Variants in TVP23C observed in about 807,000 individuals in gnomAD.
The protein encoded by TVP23C is trans-golgi network vesicle protein 23 homolog C.
TVP23C carries 19 observed loss-of-function variants against 28.7 expected under a neutral mutation model. The ratio of observed to expected loss-of-function variants is 0.66; its 90% CI spans 0.46 to 0.97. The LOEUF is 0.97. Ranked by LOEUF, TVP23C falls within the 50% of genes least tolerant of loss-of-function variation. The pLI is 0.00. For missense variants in TVP23C, 186 were observed against 241.3 expected (o/e 0.77, Z 1.52); for synonymous variants, 68 against 81.7 (o/e 0.83, Z 0.90).
chr17:15,502,799 T>C (rs1981520287), exon 6 of TVP23C: 6 of 1,461,048 alleles, frequency 4.1e-6, no homozygotes, highest in South Asian at 2.8e-5. Flanking sequence ...CTCTCCTCTC[T>C]CCTCTCTCTC....
At chr17:15,502,692 C>T (rs901054120) in exon 6 of TVP23C, 6 of 1,127,062 alleles carry the variant, frequency 5.3e-6, no homozygotes, top group Non-Finnish European at 7.1e-6. Flanking sequence ...TTTACAAGTT[C>T]CCTGTTCGTT....
chr17:15,558,639 C>G (rs236807), intron 1 of TVP23C, among the ~76,000 whole-genome samples: 25,743 of 146,692 alleles, frequency 0.18, 3,714 homozygotes, highest in East Asian at 0.49. Flanking sequence ...GAGATTTGAA[C>G]AGGCTGTGCT....
intron 5 of TVP23C, among the ~76,000 whole-genome samples, chr17:15,523,343 G>C (rs1185494077): frequency 6.9e-6 from 1 of 144,516 alleles, no homozygotes; most frequent in Admixed American, 7.0e-5. Context: ...ACAGAGTCTC[G>C]CTCTGTTGCC....
intron 5 of TVP23C, among the ~76,000 whole-genome samples, chr17:15,517,200 GATA>G (rs1417352413): frequency 1.3e-5 from 2 of 152,144 alleles, no homozygotes; most frequent in African/African-American, 4.8e-5. Flanking sequence ...CCCCCCAACT[GATA>G]ATAAGCTTTC....
chr17:15,561,365 G>A (rs190206), intron 1 of TVP23C, among the ~76,000 whole-genome samples: 51,589 of 151,908 alleles, frequency 0.34, 8,919 homozygotes, highest in East Asian at 0.54. Flanking sequence ...TTGGAAGGCC[G>A]AGGCGGGTGG....
chr17:15,559,095 C>T (rs1441562358), intron 1 of TVP23C, among the ~76,000 whole-genome samples: 1 of 147,844 alleles, frequency 6.8e-6, no homozygotes, highest in South Asian at 2.2e-4. Flanking sequence ...CAAAGTGCTA[C>T]GATTAGAGGC....
chr17:15,537,685 T>A lies in TVP23C; in HGVS notation c.*2727A>T, dbSNP rs7359511. On this transcript the variant is annotated 3_prime_UTR_variant, in exon 6 of 6. Transcript: ENST00000518321. ...TAAGCCAAAGTGCTCACTCTTACCA[T>A]AGAAGCAAAACTTTCTCCTGAAAAC... 0.14 allele frequency: 135,257 copies of A among 985,004 alleles called. 9,506 individuals carry two copies. The highest frequency in any genetic ancestry group is 0.17 in the Middle Eastern group (324 of 1,918). The allele number at this position is 985,004 out of a possible 1,614,324, so 61.0% of individuals were successfully genotyped here.
chr17:15,561,638 A>G (rs1009096142), intron 1 of TVP23C, among the ~76,000 whole-genome samples: 217 of 89,060 alleles, frequency 2.4e-3, no homozygotes, highest in Middle Eastern at 0.022. Context: ...ATGAATAAAT[A>G]AATAAATAAA....
intron 2 of TVP23C, among the ~76,000 whole-genome samples, chr17:15,554,800 TAAATGAAATCATACA>T (rs1280089169): frequency 6.6e-6 from 1 of 152,192 alleles, no homozygotes; most frequent in Non-Finnish European, 1.5e-5. Flanking sequence ...ACATTTCATA[TAAATGAAATCATACA>T]ATATGTGGTC....
rs201021525 is a variant in TVP23C, at chr17:15,553,742, A to AAAGCT, written c.178_182dup (p.Phe61LeufsTer21). On this transcript the variant is annotated frameshift_variant, in exon 3 of 6. Coordinates refer to ENST00000518321, the MANE Select transcript of TVP23C (RefSeq NM_001135036.2). LOFTEE classifies it high-confidence loss of function. ...AGATAATTGTAACCATACAGGTAAT[A>AAAGCT]AAGCTGCTGCTGAGCAACTCACAGA... 220 of 1,614,054 alleles carry AAAGCT rather than the reference A, an allele frequency of 1.4e-4. No homozygotes were observed. The highest frequency in any genetic ancestry group is 1.1e-3 in the East Asian group (48 of 44,870).
chr17:15,504,957 C>G (rs1428193161), intron 5 of TVP23C, among the ~76,000 whole-genome samples: 1 of 152,104 alleles, frequency 6.6e-6, no homozygotes, highest in Non-Finnish European at 1.5e-5. Context: ...TGATCTTCTT[C>G]TGGAAGAAGG....
At chr17:15,515,456 T>C (rs9903674) in intron 5 of TVP23C, among the ~76,000 whole-genome samples, 73,847 of 152,058 alleles carry the variant, frequency 0.49, 18,969 homozygotes, top group Middle Eastern at 0.62. Context: ...CAGAGGGGAA[T>C]CCTGCCTCCA....
chr17:15,504,568 A>C (rs190924144), intron 5 of TVP23C, among the ~76,000 whole-genome samples: 1 of 138,868 alleles, frequency 7.2e-6, no homozygotes, highest in Admixed American at 7.0e-5. Context: ...TAATAAAGAC[A>C]ATTTTTTTTT....
chr17:15,549,472 G>A (rs1237520503), intron 3 of TVP23C, among the ~76,000 whole-genome samples: 1 of 151,932 alleles, frequency 6.6e-6, no homozygotes, highest in Non-Finnish European at 1.5e-5. Context: ...GGCTCACTTG[G>A]GTTCAAGACC....
chr17:15,510,081 C>G (rs1981935979), intron 5 of TVP23C, among the ~76,000 whole-genome samples: 1 of 152,178 alleles, frequency 6.6e-6, no homozygotes, highest in Admixed American at 6.5e-5. Context: ...GAATGAATGA[C>G]ATGTGGTGGC....
rs1981900247 is a variant in TVP23C at position 15,509,239 on chromosome 17, G to A, written c.463-6007C>T. 2.0e-5 allele frequency among the ~76,000 whole-genome samples: 3 copies of A among 152,150 alleles called. No individual in the cohort carries two copies. In the South Asian group the frequency reaches 6.2e-4, roughly 32 times the overall value. On this transcript the variant is annotated intron_variant, in intron 5 of 5. Coordinates refer to the TVP23C transcript ENST00000225576. ...ATAAACACAACCTCTAACAGAGGGAGGCGCCTGGCACCAACCAACCAGTCA... is the reference window on the plus strand; with the variant it reads ...ATAAACACAACCTCTAACAGAGGGAAGCGCCTGGCACCAACCAACCAGTCA...
At chr17:15,529,318 G>T (rs938028598) in intron 5 of TVP23C, among the ~76,000 whole-genome samples, 18 of 152,054 alleles carry the variant, frequency 1.2e-4, no homozygotes, top group African/African-American at 4.3e-4. Context: ...CTGGCATGGT[G>T]GTGCAGGCCT....
In TVP23C at chr17:15,504,238, A is replaced by G. The variant is rs373098061; in HGVS notation, c.463-1006T>C. On this transcript the variant is annotated intron_variant, in intron 5 of 5. Transcript: ENST00000225576. ...TTATATTCCTGCATTTTCAACAGGA[A>G]CAAGACTATGATGTGTGGGGTTTCA... 3.6e-4 allele frequency among the ~76,000 whole-genome samples: 55 copies of G among 152,306 alleles called. No homozygotes were observed. The East Asian group carries it at 5.8e-3, about 16-fold the overall frequency.
chr17:15,559,891 A>G (rs1445253738), intron 1 of TVP23C, among the ~76,000 whole-genome samples: 3 of 148,864 alleles, frequency 2.0e-5, no homozygotes, highest in Non-Finnish European at 4.5e-5. Flanking sequence ...GATCACAAAG[A>G]TAAGAAGGAA....
Sources: allele counts gnomAD v4.1 joint callset (sites outside exome capture counted in the v4.1 genomes callset), GRCh38; gene constraint gnomAD v4.1.1; transcripts MANE v1.5; gene names NCBI Gene and HGNC (gene_info 2026-07-23, HGNC 2026-07-21).